The following MANSC1 variants were observed in gnomAD, a reference collection of about 807,000 sequenced individuals.
MANSC1 encodes MANSC domain-containing protein 1.
A neutral mutation model predicts 14.1 loss-of-function variants in MANSC1; 13 were observed. That is an observed-to-expected ratio of 0.92 (90% CI 0.60 to 1.46). MANSC1 has a LOEUF of 1.46. Ranked by LOEUF, MANSC1 falls within the 40% of genes most tolerant of loss-of-function variation. MANSC1 has a pLI of 0.00. For synonymous variants in MANSC1, 227 were observed against 200.7 expected (o/e 1.13, Z -1.11); for missense variants, 486 against 511.4 (o/e 0.95, Z 0.48).
intron 3 of MANSC1, among the ~76,000 whole-genome samples, chr12:12,336,070 G>A (rs889480289): frequency 2.0e-5 from 3 of 151,996 alleles, no homozygotes; most frequent in African/African-American, 7.2e-5. Flanking sequence ...CTCCTAAGGC[G>A]GAGGTTGCAG....
chr12:12,339,975 G>T (rs1217754011), intron 2 of MANSC1, among the ~76,000 whole-genome samples: 1 of 152,042 alleles, frequency 6.6e-6, no homozygotes, highest in Non-Finnish European at 1.5e-5. Context: ...ACCATGCCTG[G>T]CTAATTTTTT....
rs1555141779 is a variant in MANSC1, at chr12:12,344,940, T to TATATATAC, written c.-100-1527_-100-1526insGTATATAT. ...CCATATATATATATATATATATATA[T>TATATATAC]ATATATATATATATATATATATATA... is the stretch of plus-strand genomic sequence containing the variant. On this transcript the variant is annotated intron_variant, in intron 1 of 3. Coordinates refer to ENST00000535902, the MANE Select transcript of MANSC1 (RefSeq NM_018050.4). Among the ~76,000 whole-genome samples, 551 of 84,946 alleles carry TATATATAC rather than the reference T, an allele frequency of 6.5e-3. 19 individuals carry two copies. The highest frequency in any genetic ancestry group is 0.01 in the Non-Finnish European group (439 of 43,036). 55.7% of individuals were successfully genotyped at this position (84,946 alleles called of 152,430 possible). A position where few individuals can be genotyped will look rare whatever the true frequency, so the allele number is the denominator to read the frequency against.
At chr12:12,344,922 T>TATATAC (rs1862987926) in intron 1 of MANSC1, among the ~76,000 whole-genome samples, 3 of 26,354 alleles carry the variant, frequency 1.1e-4, no homozygotes, top group African/African-American at 3.7e-4. Flanking sequence ...CTCCCATATA[T>TATATAC]ATATATATAT....
At chr12:12,341,773 T>C (rs1478799697) in intron 2 of MANSC1, among the ~76,000 whole-genome samples, 2 of 152,158 alleles carry the variant, frequency 1.3e-5, no homozygotes, top group Non-Finnish European at 2.9e-5. Context: ...GGAGGATCAT[T>C]TGAAGTCAGG....
Position 12,337,332 on chromosome 12 carries a change from C to T in MANSC1, c.364+1088G>A, listed in dbSNP as rs1045402023. The stretch of plus-strand genomic sequence containing the variant: ...CAGCACTTTGGGAGGCCAAGGCAGG[C>T]GGATCACGAGGTCAGGAGATTGAGA... On this transcript the variant is annotated intron_variant, in intron 3 of 3. Transcript: ENST00000535902. Among the ~76,000 whole-genome samples, 4 of 151,386 alleles carry T rather than the reference C, an allele frequency of 2.6e-5. No individual in the cohort carries two copies. In the South Asian group the frequency reaches 6.3e-4, roughly 24 times the overall value.
rs1185903235 is a variant in MANSC1 at position 12,349,350 on chromosome 12, CT to C, written c.-101+727del. Among the ~76,000 whole-genome samples the C allele has an allele frequency of 2.6e-5, 4 of 152,258 alleles. No homozygotes were observed. The South Asian group carries it at 8.3e-4, about 32-fold the overall frequency. On this transcript the variant is annotated intron_variant, in intron 1 of 3. Coordinates refer to ENST00000535902, the MANE Select transcript of MANSC1 (RefSeq NM_018050.4). ...GATTCTAATGTAGCCTCTTTTCAAG[CT>C]TTTGCAAAGAAACCTGAACTATGTA...
At chr12:12,339,598 C>A (rs953925027) in intron 2 of MANSC1, among the ~76,000 whole-genome samples, 1 of 152,128 alleles carries the variant, frequency 6.6e-6, no homozygotes, top group Non-Finnish European at 1.5e-5. Flanking sequence ...ATCTCAGATG[C>A]CTAATAAAGC....
chr12:12,333,235 C>T (rs534964997), intron 3 of MANSC1, among the ~76,000 whole-genome samples: 1 of 151,752 alleles, frequency 6.6e-6, no homozygotes, highest in Admixed American at 6.6e-5. Flanking sequence ...TTTGTAGAGA[C>T]AGAATTTTGC....
intron 3 of MANSC1, among the ~76,000 whole-genome samples, chr12:12,335,254 CCTA>C (rs904203526): frequency 5.9e-5 from 9 of 152,122 alleles, no homozygotes; most frequent in Non-Finnish European, 1.3e-4. Context: ...ACCTGCGCCT[CCTA>C]ACCAGTCTTT....
chr12:12,338,584 A>G (rs1235454306), intron 2 of MANSC1, 24 bp from the exon 3 acceptor site: 1 of 1,606,814 alleles, frequency 6.2e-7, no homozygotes, highest in African/African-American at 1.3e-5. Flanking sequence ...TTTCATAAGC[A>G]TGATTTTGAA....
chr12:12,344,940 T>TATATACAC (rs1565806061), intron 1 of MANSC1, among the ~76,000 whole-genome samples: 1 of 84,972 alleles, frequency 1.2e-5, no homozygotes, highest in Non-Finnish European at 2.3e-5. Flanking sequence ...TATATATATA[T>TATATACAC]ATATATATAT....
At chr12:12,335,026 C>A (rs556871250) in intron 3 of MANSC1, among the ~76,000 whole-genome samples, 2 of 152,308 alleles carry the variant, frequency 1.3e-5, no homozygotes, top group East Asian at 3.9e-4. Flanking sequence ...CATTCCACAA[C>A]CCTAAAACTA....
Position 12,329,433 on chromosome 12 carries a change from T to C in MANSC1, c.*594A>G, listed in dbSNP as rs1406985727. The C allele has an allele frequency of 2.0e-5, 3 of 152,318 alleles. No homozygotes were observed. Among genetic ancestry groups the C allele is most frequent in the Admixed American group, 6.5e-5 (1 of 15,292 alleles). The allele number at this position is 152,318 out of a possible 1,614,324, so 9.4% of individuals were successfully genotyped here. ...GAATTGGAACCTAGATGTCCTAACC[T>C]GTTTCTTTGCATAAAAGCCAGTTGA... is the stretch of plus-strand genomic sequence containing the variant. On this transcript the variant is annotated 3_prime_UTR_variant, in exon 4 of 4. Transcript: ENST00000535902.
intron 1 of MANSC1, among the ~76,000 whole-genome samples, chr12:12,348,937 G>A (rs964319181): frequency 6.6e-6 from 1 of 152,158 alleles, no homozygotes; most frequent in East Asian, 1.9e-4. Flanking sequence ...ACAAAAAGTT[G>A]TGGGACATAA....
chr12:12,346,568 G>C (rs1237632148), intron 1 of MANSC1, among the ~76,000 whole-genome samples: 2 of 152,184 alleles, frequency 1.3e-5, no homozygotes, highest in East Asian at 1.9e-4. Context: ...CTCACAAAGA[G>C]AGTCAACTGA....
chr12:12,338,493 T>C lies in MANSC1; in HGVS notation c.291A>G (p.Leu97=). The change falls in exon 3 of 4, where the codon CTA becomes CTG. Residue 97 remains leucine (L), a synonymous_variant. Coordinates refer to ENST00000535902, the MANE Select transcript of MANSC1 (RefSeq NM_018050.4). Reference sequence around the variant, plus strand: ...AGGCTTCCTCGTTGGGACAGAAAAATAGGTAGCAGTTGGGTTGTCTAGCTG... The same window carrying C: ...AGGCTTCCTCGTTGGGACAGAAAAACAGGTAGCAGTTGGGTTGTCTAGCTG... ...RKTARQPNCY[L]FFCPNEEACP... The C allele has an allele frequency of 6.2e-7, 1 of 1,613,568 alleles. No homozygotes were observed. Among genetic ancestry groups the C allele is most frequent in the South Asian group, 1.1e-5 (1 of 90,968 alleles).
intron 3 of MANSC1, among the ~76,000 whole-genome samples, chr12:12,337,967 C>T (rs1444809875): frequency 6.6e-6 from 1 of 152,142 alleles, no homozygotes; most frequent in Non-Finnish European, 1.5e-5. Flanking sequence ...AGTTTGATTT[C>T]AGACGAGATT....
chr12:12,336,425 T>C (rs1447649875), intron 3 of MANSC1, among the ~76,000 whole-genome samples: 2 of 152,252 alleles, frequency 1.3e-5, no homozygotes, highest in Non-Finnish European at 2.9e-5. Flanking sequence ...CCTGTCTCAA[T>C]TCTGTGCATA....
At chr12:12,338,094 T>C (rs1290963622) in intron 3 of MANSC1, among the ~76,000 whole-genome samples, 1 of 152,206 alleles carries the variant, frequency 6.6e-6, no homozygotes, top group East Asian at 1.9e-4. Flanking sequence ...CTTCACCCTT[T>C]CAAAACAATC....
Sources: gnomAD v4.1 joint callset for allele counts (sites outside exome capture counted in the v4.1 genomes callset) on GRCh38, gnomAD v4.1.1 for gene constraint, MANE v1.5 for transcripts, NCBI Gene and HGNC (gene_info 2026-07-23, HGNC 2026-07-21) for gene names.